MARK3: variants seen among roughly 807,000 people sequenced by gnomAD.
MARK3 encodes MAP/microtubule affinity-regulating kinase 3.
A neutral mutation model predicts 90.1 loss-of-function variants in MARK3; 46 were observed. The ratio of observed to expected loss-of-function variants is 0.51; its 90% confidence interval spans 0.40 to 0.65. MARK3 has a LOEUF of 0.65. MARK3 is among the 30% of genes least tolerant of loss of function. The pLI is 0.00. For missense variants in MARK3, 818 were observed against 947.2 expected, an observed-to-expected ratio of 0.86 and a Z score of 1.79; for synonymous variants, 321 against 332.6, an observed-to-expected ratio of 0.97 and a Z score of 0.38.
intron 3 of MARK3, among the ~76,000 whole-genome samples, chr14:103,442,414 T>C (rs1164753148): frequency 1.3e-5 from 2 of 151,996 alleles, no homozygotes; most frequent in Non-Finnish European, 2.9e-5. Flanking sequence ...ATAGTATAGC[T>C]GTTTTAATCC....
At chr14:103,445,834 G>C (rs1437501809) in intron 3 of MARK3, among the ~76,000 whole-genome samples, 1 of 152,124 alleles carries the variant, frequency 6.6e-6, no homozygotes, top group Non-Finnish European at 1.5e-5. Flanking sequence ...CATTTGACCT[G>C]CTCCCCTGTC....
chr14:103,413,861 A>G (rs2091808487), intron 2 of MARK3, among the ~76,000 whole-genome samples: 1 of 152,142 alleles, frequency 6.6e-6, no homozygotes, highest in Non-Finnish European at 1.5e-5. Flanking sequence ...AGATTGATTC[A>G]GGCTGTTGCA....
chr14:103,465,453 A>G, intron 7 of MARK3, 104 bp from the exon 8 acceptor site: 1 of 720,566 alleles, frequency 1.4e-6, no homozygotes, highest in South Asian at 1.7e-5. Flanking sequence ...ATTAGGAGGT[A>G]ACTTCATATC....
chr14:103,455,986 C>T (rs1004338754), intron 5 of MARK3, among the ~76,000 whole-genome samples: 1 of 152,058 alleles, frequency 6.6e-6, no homozygotes, highest in South Asian at 2.1e-4. Flanking sequence ...AATTAGTATT[C>T]TTTTCTATTG....
chr14:103,486,065 C>G (rs1299249204), intron 14 of MARK3, among the ~76,000 whole-genome samples: 1 of 152,102 alleles, frequency 6.6e-6, no homozygotes. Flanking sequence ...GAGGCCATGA[C>G]AGGAGGATTG....
intron 3 of MARK3, among the ~76,000 whole-genome samples, chr14:103,444,430 A>G (rs1457603497): frequency 6.6e-6 from 1 of 152,160 alleles, no homozygotes; most frequent in Non-Finnish European, 1.5e-5. Context: ...TCTTTTTTCC[A>G]ACTAACATCT....
At chr14:103,405,558 G>T (rs933872909) in intron 2 of MARK3, among the ~76,000 whole-genome samples, 1 of 152,002 alleles carries the variant, frequency 6.6e-6, no homozygotes, top group Admixed American at 6.6e-5. Flanking sequence ...AGCCAGGATG[G>T]TCTCGATCTC....
intron 13 of MARK3, among the ~76,000 whole-genome samples, chr14:103,476,667 T>C (rs1176979112): frequency 6.6e-6 from 1 of 152,052 alleles, no homozygotes; most frequent in African/African-American, 2.4e-5. Flanking sequence ...AAATTAACAA[T>C]GATGCAGCCC....
rs763985436 is a variant in MARK3, at chr14:103,386,002, G to A, written c.-28G>A. The A allele has an allele frequency of 6.3e-7, 1 of 1,599,452 alleles. No individual in the cohort carries two copies. Among genetic ancestry groups the A allele is most frequent in the Non-Finnish European group, 8.6e-7 (1 of 1,166,628 alleles). The stretch of plus-strand genomic sequence containing the variant: ...GCTGTGCTGTTTTGTTTTGACCCTC[G>A]CATTGTGCAGAATTAAAGTGCAGTA... On this transcript the variant is annotated 5_prime_UTR_variant, in exon 1 of 18. Coordinates refer to ENST00000429436, the MANE Select transcript of MARK3 (RefSeq NM_001128918.3).
chr14:103,455,341 A>G (rs561486850), intron 5 of MARK3, among the ~76,000 whole-genome samples: 2 of 152,242 alleles, frequency 1.3e-5, no homozygotes, highest in Non-Finnish European at 2.9e-5. Flanking sequence ...GAAAATGCTG[A>G]CACTTTACCG....
At chr14:103,424,620 T>C (rs1313589433) in intron 2 of MARK3, among the ~76,000 whole-genome samples, 1 of 151,160 alleles carries the variant, frequency 6.6e-6, no homozygotes, top group East Asian at 1.9e-4. Flanking sequence ...GGTGTGAAAA[T>C]AGAAACCACG....
chr14:103,433,885 T>C (rs2092651844), intron 3 of MARK3, among the ~76,000 whole-genome samples: 1 of 152,124 alleles, frequency 6.6e-6, no homozygotes, highest in South Asian at 2.1e-4. Context: ...CTTCCTATAA[T>C]TTTTATTTAA....
intron 14 of MARK3, among the ~76,000 whole-genome samples, chr14:103,484,816 G>T (rs998048342): frequency 6.6e-6 from 1 of 151,990 alleles, no homozygotes; most frequent in Non-Finnish European, 1.5e-5. Context: ...AGCTACTTGG[G>T]AAGCTGAGGC....
At chr14:103,484,648 T>G (rs1352256886) in intron 14 of MARK3, among the ~76,000 whole-genome samples, 1 of 152,208 alleles carries the variant, frequency 6.6e-6, no homozygotes, top group Non-Finnish European at 1.5e-5. Context: ...GTTGCTTTTT[T>G]TAGGCTGGGC....
At chr14:103,387,009 C>CA (rs1475463697) in intron 1 of MARK3, among the ~76,000 whole-genome samples, 3 of 152,194 alleles carry the variant, frequency 2.0e-5, no homozygotes, top group Admixed American at 6.5e-5. Context: ...AAAAGTGTTT[C>CA]AATCTAGTTG....
At chr14:103,466,280 T>C in intron 9 of MARK3, 63 bp from the exon 10 acceptor site, 1 of 1,352,456 alleles carries the variant, frequency 7.4e-7, no homozygotes, top group East Asian at 2.4e-5. Context: ...TAAATTTTTG[T>C]AAATATTACG....
At chr14:103,403,974 CAA>C (rs1476047940) in intron 1 of MARK3, among the ~76,000 whole-genome samples, 1 of 152,092 alleles carries the variant, frequency 6.6e-6, no homozygotes, top group Non-Finnish European at 1.5e-5. Context: ...GTAAAACAGA[CAA>C]GAGCCTATCC....
chr14:103,474,081 T>C (rs1344895551), intron 12 of MARK3, among the ~76,000 whole-genome samples: 1 of 150,482 alleles, frequency 6.6e-6, no homozygotes, highest in Admixed American at 6.6e-5. Flanking sequence ...GGCATGCGCC[T>C]GTAGTTTCAG....
At chr14:103,391,750 G>A (rs2090267181) in intron 1 of MARK3, among the ~76,000 whole-genome samples, 1 of 138,140 alleles carries the variant, frequency 7.2e-6, no homozygotes, top group Non-Finnish European at 1.5e-5. Flanking sequence ...TAGAGATGGG[G>A]TTTCGCCATG....
Sources: gnomAD v4.1 joint callset for allele counts (sites outside exome capture counted in the v4.1 genomes callset) on GRCh38, gnomAD v4.1.1 for gene constraint, MANE v1.5 for transcripts, NCBI Gene and HGNC (gene_info 2026-07-23, HGNC 2026-07-21) for gene names.